HTR7: variants seen among roughly 807,000 people sequenced by gnomAD.
HTR7 encodes 5-HT-7.
HTR7 carries 16 observed loss-of-function variants against 34.0 expected under a neutral mutation model. That is an observed-to-expected ratio of 0.47 (90% CI 0.32 to 0.71). The LOEUF is 0.71. HTR7 is among the 30% of genes least tolerant of loss of function. The pLI is 0.04. For missense variants in HTR7, 504 were observed against 625.5 expected (o/e 0.81, Z 2.07); for synonymous variants, 265 against 260.2 (o/e 1.02, Z -0.18).
chr10:90,829,326 A>T (rs574753213), intron 1 of HTR7, among the ~76,000 whole-genome samples: 1 of 152,350 alleles, frequency 6.6e-6, no homozygotes, highest in East Asian at 1.9e-4. Flanking sequence ...CCTTTTCTCT[A>T]AGATCTAGAA....
chr10:90,850,502 T>C (rs1358534253), intron 1 of HTR7, among the ~76,000 whole-genome samples: 3 of 152,162 alleles, frequency 2.0e-5, no homozygotes, highest in Non-Finnish European at 2.9e-5. Flanking sequence ...AATCAACATT[T>C]GCTAGGCATG....
chr10:90,807,969 C>T (rs917189386), intron 1 of HTR7, among the ~76,000 whole-genome samples: 2 of 152,176 alleles, frequency 1.3e-5, no homozygotes, highest in African/African-American at 4.8e-5. Context: ...CAATCTCTCC[C>T]TTCTTTCAAT....
intron 2 of HTR7, among the ~76,000 whole-genome samples, chr10:90,745,345 CT>C (rs1220374469): frequency 6.6e-6 from 1 of 152,190 alleles, no homozygotes; most frequent in Non-Finnish European, 1.5e-5. Context: ...AACAAGCTCC[CT>C]CAGGCCTCTT....
chr10:90,817,099 T>C (rs948137313), intron 1 of HTR7, among the ~76,000 whole-genome samples: 1 of 152,090 alleles, frequency 6.6e-6, no homozygotes, highest in African/African-American at 2.4e-5. Flanking sequence ...AAAATGAAAG[T>C]GTGGCCACTG....
At chr10:90,782,320 C>T (rs927387121) in intron 1 of HTR7, among the ~76,000 whole-genome samples, 10 of 152,102 alleles carry the variant, frequency 6.6e-5, no homozygotes, top group Non-Finnish European at 1.3e-4. Flanking sequence ...GCTTAATTAT[C>T]GCACTTGTAA....
chr10:90,853,890 G>A (rs1846538681), intron 1 of HTR7, among the ~76,000 whole-genome samples: 1 of 152,204 alleles, frequency 6.6e-6, no homozygotes, highest in Non-Finnish European at 1.5e-5. Context: ...TAAACCTGAT[G>A]AGCATCAAAG....
chr10:90,793,041 A>C (rs1192085996), intron 1 of HTR7, among the ~76,000 whole-genome samples: 1 of 152,198 alleles, frequency 6.6e-6, no homozygotes, highest in South Asian at 2.1e-4. Context: ...AAAGCAAAAA[A>C]TTAACAAATG....
At chr10:90,750,850 C>A (rs1306942890) in intron 1 of HTR7, among the ~76,000 whole-genome samples, 1 of 152,086 alleles carries the variant, frequency 6.6e-6, no homozygotes, top group Admixed American at 6.5e-5. Flanking sequence ...AAATAATGAG[C>A]CAGATGTTCT....
intron 1 of HTR7, among the ~76,000 whole-genome samples, chr10:90,763,860 T>A (rs1201687115): frequency 6.6e-6 from 1 of 152,246 alleles, no homozygotes; most frequent in Non-Finnish European, 1.5e-5. Context: ...TTATCCGGTC[T>A]ATCATTGACG....
At chr10:90,834,310 A>G (rs1305120196) in intron 1 of HTR7, among the ~76,000 whole-genome samples, 3 of 152,150 alleles carry the variant, frequency 2.0e-5, no homozygotes, top group Non-Finnish European at 4.4e-5. Flanking sequence ...AGACTCATGA[A>G]CAACCATCCA....
rs189231008 is a variant in HTR7 at position 90,749,411 on chromosome 10, A to G, written c.723T>C (p.Ile241=). The G allele has an allele frequency of 2.5e-6, 4 of 1,614,144 alleles. No homozygotes were observed. The Admixed American group carries it at 6.7e-5, about 27-fold the overall frequency. ...CLISQDFGYT[I]YSTAVAFYIP... ...TATAAAATGCCACTGCGGTAGAGTA[A>G]ATCGTATAGCCAAAGTCCTGGCTGA... Residue 241 remains isoleucine (I), a synonymous_variant, in exon 2 of 4, where the codon ATT becomes ATC. Coordinates refer to ENST00000336152, the MANE Select transcript of HTR7 (RefSeq NM_019859.4). This position sits in a 1 kb window ranked among gnomAD's most constrained non-coding sequence, Gnocchi z 4.2.
At chr10:90,829,632 G>A (rs1370918182) in intron 1 of HTR7, among the ~76,000 whole-genome samples, 1 of 152,050 alleles carries the variant, frequency 6.6e-6, no homozygotes, top group African/African-American at 2.4e-5. Flanking sequence ...AGAGCAATCA[G>A]ACAAGAGAAA....
intron 1 of HTR7, among the ~76,000 whole-genome samples, chr10:90,818,131 C>A (rs1356150646): frequency 6.6e-6 from 1 of 152,094 alleles, no homozygotes; most frequent in African/African-American, 2.4e-5. Context: ...AATCTTAATC[C>A]CCAACGCAAC....
intron 1 of HTR7, among the ~76,000 whole-genome samples, chr10:90,753,983 T>C (rs180788925): frequency 4.4e-4 from 67 of 152,216 alleles, no homozygotes; most frequent in Middle Eastern, 3.4e-3. Flanking sequence ...ATAGTAGTTT[T>C]ACCTGAGATG....
intron 1 of HTR7, among the ~76,000 whole-genome samples, chr10:90,781,763 C>T (rs1313066668): frequency 1.3e-5 from 2 of 152,194 alleles, no homozygotes; most frequent in African/African-American, 2.4e-5. Flanking sequence ...AGATTTTCTA[C>T]ATCAAAATCT....
intron 1 of HTR7, among the ~76,000 whole-genome samples, chr10:90,785,854 A>G (rs541532012): frequency 1.3e-5 from 2 of 152,290 alleles, no homozygotes; most frequent in African/African-American, 2.4e-5. Context: ...AGCAATCCAC[A>G]AAGTCTTGTG....
In HTR7 at chr10:90,749,273, G is replaced by T; in HGVS notation, c.861C>A (p.Ile287=). 6.2e-7 allele frequency: 1 copy of T among 1,614,134 alleles called. No homozygotes were observed. The change falls in exon 2 of 4, where the codon ATC becomes ATA. Residue 287 remains isoleucine (I), a synonymous_variant. Coordinates refer to ENST00000336152, the MANE Select transcript of HTR7 (RefSeq NM_019859.4). This position sits in a 1 kb window ranked among gnomAD's most constrained non-coding sequence, Gnocchi z 4.2. ...GGAGCTTCACTATGCCATTCAGGGCGATGACGCTGTCTGGCTCCACTCGAG... is the reference window on the plus strand; with the variant it reads ...GGAGCTTCACTATGCCATTCAGGGCTATGACGCTGTCTGGCTCCACTCGAG... ...GFPRVEPDSV[I]ALNGIVKLQK... is the part of the protein sequence containing the mutation.
chr10:90,793,207 A>G (rs567812096), intron 1 of HTR7, among the ~76,000 whole-genome samples: 66 of 152,210 alleles, frequency 4.3e-4, no homozygotes, highest in Non-Finnish European at 6.6e-4. Context: ...ACAACTCAAC[A>G]AGAAAAAAGC....
At chr10:90,836,805 C>T (rs1252672469) in intron 1 of HTR7, among the ~76,000 whole-genome samples, 1 of 152,062 alleles carries the variant, frequency 6.6e-6, no homozygotes, top group Non-Finnish European at 1.5e-5. Context: ...CCACCATGTT[C>T]AGCTGTGAAT....
Sources: gnomAD v4.1 joint callset for allele counts (sites outside exome capture counted in the v4.1 genomes callset) on GRCh38, gnomAD v4.1.1 for gene constraint, Gnocchi (gnomAD v3.1) non-coding constraint, MANE v1.5 for transcripts, NCBI Gene and HGNC (gene_info 2026-07-23, HGNC 2026-07-21) for gene names.